IQSEC3: variants seen among roughly 807,000 people sequenced by gnomAD.
The protein encoded by IQSEC3 is IQ motif and SEC7 domain-containing protein 3.
In IQSEC3, 50 loss-of-function variants were observed where a neutral mutation model predicts 105.4. The observed-to-expected ratio is 0.47, with a 90% confidence interval of 0.38 to 0.60. The LOEUF is 0.60. Among genes scored for constraint, IQSEC3 ranks in the 20% least tolerant of loss-of-function variants. The probability of loss-of-function intolerance (pLI) is 0.00; values close to 1 mark genes in which losing one functional copy is unlikely to be tolerated. For synonymous variants in IQSEC3, 708 were observed against 746.0 expected (o/e 0.95, Z 0.83); for missense variants, 1,415 against 1,630.0 (o/e 0.87, Z 2.27).
At chr12:76,753 G>T (rs1297490766) in intron 1 of IQSEC3, among the ~76,000 whole-genome samples, 1 of 152,274 alleles carries the variant, frequency 6.6e-6, no homozygotes, top group African/African-American at 2.4e-5. Context: ...GAACTCTACG[G>T]AGGTATAGTG....
At chr12:146,216 C>A (rs1483252553) in intron 5 of IQSEC3, among the ~76,000 whole-genome samples, 1 of 152,218 alleles carries the variant, frequency 6.6e-6, no homozygotes, top group Non-Finnish European at 1.5e-5. Context: ...GAATGTCCTG[C>A]CCACATTGCT....
chr12:93,906 T>C (rs1864169644), intron 1 of IQSEC3, among the ~76,000 whole-genome samples: 2 of 152,164 alleles, frequency 1.3e-5, no homozygotes, highest in Admixed American at 1.3e-4. Flanking sequence ...CTGTCATCTC[T>C]GCACACACTG....
rs147252456 is a variant in IQSEC3, at chr12:163,240, C to T, written c.2584-254C>T. ...TCCACAGAACCGGACCCCTCCCCTC[C>T]CCTCCCTCCACAGAACCGGACCCCT... On this transcript the variant is annotated intron_variant, in intron 8 of 13. Coordinates refer to ENST00000538872, the MANE Select transcript of IQSEC3 (RefSeq NM_001170738.2). Among the ~76,000 whole-genome samples the T allele has an allele frequency of 3.4e-4, 15 of 44,384 alleles. No individual in the cohort carries two copies. The East Asian group carries it at 6.9e-3, about 20-fold the overall frequency. The allele number at this position is 44,384 out of a possible 152,430, so 29.1% of individuals were successfully genotyped here.
At chr12:79,309 T>C (rs1863666319) in intron 1 of IQSEC3, among the ~76,000 whole-genome samples, 1 of 152,166 alleles carries the variant, frequency 6.6e-6, no homozygotes, top group Non-Finnish European at 1.5e-5. Flanking sequence ...CTATCACACA[T>C]GAGGTCAGCT....
chr12:134,537 T>C (rs189153198), intron 3 of IQSEC3, among the ~76,000 whole-genome samples: 8 of 152,384 alleles, frequency 5.2e-5, no homozygotes, highest in African/African-American at 1.9e-4. Context: ...CATCTCGTGC[T>C]GCAAAAGGAT....
intron 1 of IQSEC3, among the ~76,000 whole-genome samples, chr12:87,903 C>T (rs1328192645): frequency 2.0e-5 from 3 of 152,192 alleles, no homozygotes; most frequent in African/African-American, 7.2e-5. Context: ...CATCCTTATA[C>T]AGTCCTTTAA....
At chr12:109,082 C>T (rs1864782212) in intron 2 of IQSEC3, among the ~76,000 whole-genome samples, 1 of 152,272 alleles carries the variant, frequency 6.6e-6, no homozygotes, top group Admixed American at 6.5e-5. Context: ...TTCTCCCCAG[C>T]ACGCGCTCTC....
intron 3 of IQSEC3, among the ~76,000 whole-genome samples, chr12:134,799 A>G (rs1345003072): frequency 7.4e-6 from 1 of 135,602 alleles, no homozygotes; most frequent in African/African-American, 2.9e-5. Flanking sequence ...TTGGGAGGCC[A>G]AGGTGGGGTA....
intron 3 of IQSEC3, among the ~76,000 whole-genome samples, chr12:128,618 C>T (rs1402128293): frequency 1.3e-5 from 2 of 152,130 alleles, no homozygotes. Flanking sequence ...GTTCTCCTTC[C>T]TTCGCCTCTG....
intron 3 of IQSEC3, among the ~76,000 whole-genome samples, chr12:130,286 G>T (rs1865544761): frequency 6.6e-6 from 1 of 152,228 alleles, no homozygotes; most frequent in African/African-American, 2.4e-5. Context: ...GCTAACGGTT[G>T]CCATGTGTTA....
rs150937450 is a variant in IQSEC3 at position 73,709 on chromosome 12, G to A, written c.554+6273G>A. Among the ~76,000 whole-genome samples, 436 of 151,942 alleles carry A rather than the reference G, an allele frequency of 2.9e-3. 1 individual carries two copies. The East Asian group carries it at 0.033, about 12-fold the overall frequency. Reference sequence around the variant, plus strand: ...AAAAGAAAAAGAAAAAGAAACCAGGGCCCAAGAAAGATAAAAGGTTCACCT... The same window carrying A: ...AAAAGAAAAAGAAAAAGAAACCAGGACCCAAGAAAGATAAAAGGTTCACCT... On this transcript the variant is annotated intron_variant, in intron 1 of 13. Coordinates refer to ENST00000538872, the MANE Select transcript of IQSEC3 (RefSeq NM_001170738.2).
Position 81,128 on chromosome 12 carries a change from C to T in IQSEC3, c.554+13692C>T, listed in dbSNP as rs111845248. Among the ~76,000 whole-genome samples the T allele has an allele frequency of 8.7e-3, 1,320 of 152,232 alleles. 12 individuals carry two copies. Among genetic ancestry groups the T allele is most frequent in the African/African-American group, 0.022 (922 of 41,522 alleles). On this transcript the variant is annotated intron_variant, in intron 1 of 13. Transcript: ENST00000538872. ...TTAGTTGTCACAAATGCTGATGGGGCTTGGATGAGGAAGGTTGTTGTTCTG... is the reference window on the plus strand; with the variant it reads ...TTAGTTGTCACAAATGCTGATGGGGTTTGGATGAGGAAGGTTGTTGTTCTG...
intron 5 of IQSEC3, chr12:143,388 C>T (rs1218315565): frequency 1.3e-5 from 2 of 152,924 alleles, no homozygotes; most frequent in African/African-American, 2.4e-5. Context: ...CAGGACACCT[C>T]TCTGGGCCTC....
chr12:169,640 G>A lies in IQSEC3; in HGVS notation c.3064+535G>A, dbSNP rs115427350. Among the ~76,000 whole-genome samples, 812 of 152,268 alleles carry A rather than the reference G, an allele frequency of 5.3e-3. 5 individuals are homozygous for A. Among genetic ancestry groups the A allele is most frequent in the African/African-American group, 0.018 (749 of 41,546 alleles). On this transcript the variant is annotated intron_variant, in intron 12 of 13. Transcript: ENST00000538872. ...ACCCTCAAACTCCACTTCTCTAGTG[G>A]TTTCTCCAGTGGAATTGCTCACTCC...
intron 12 of IQSEC3, among the ~76,000 whole-genome samples, 153 bp downstream of exon 12, chr12:169,258 T>G (rs1236360944): frequency 6.6e-6 from 1 of 152,176 alleles, no homozygotes; most frequent in African/African-American, 2.4e-5. Context: ...TTTAATCTCA[T>G]GAGCTTTAGT....
intron 5 of IQSEC3, among the ~76,000 whole-genome samples, chr12:156,400 A>G (rs1866686816): frequency 6.6e-6 from 1 of 151,732 alleles, no homozygotes. Context: ...CGTTAGGCAC[A>G]TTTGTCATTT....
chr12:146,870 T>A (rs1866297899), intron 5 of IQSEC3, among the ~76,000 whole-genome samples: 1 of 152,048 alleles, frequency 6.6e-6, no homozygotes, highest in Non-Finnish European at 1.5e-5. Flanking sequence ...AAAAGTGGTG[T>A]CTTTGGGGTT....
At position 110,271 on chromosome 12, in the gene IQSEC3, G is replaced by A. The variant is rs569687265; in HGVS notation, c.623+11057G>A. 2.2e-4 allele frequency among the ~76,000 whole-genome samples: 34 copies of A among 151,836 alleles called. No homozygotes were observed. The South Asian group carries it at 6.3e-3, about 28-fold the overall frequency. ...TTTTCATTCCACCTATCAATCTTTTGCAGTTTCTTAGTAATATCAGGCCAG... is the reference window on the plus strand; with the variant it reads ...TTTTCATTCCACCTATCAATCTTTTACAGTTTCTTAGTAATATCAGGCCAG... On this transcript the variant is annotated intron_variant, in intron 2 of 13. Coordinates refer to ENST00000538872, the MANE Select transcript of IQSEC3 (RefSeq NM_001170738.2).
rs1313504926 is a variant in IQSEC3 at position 175,590 on chromosome 12, C to G, written c.*557C>G. On this transcript the variant is annotated 3_prime_UTR_variant, in exon 14 of 14. Transcript: ENST00000538872. ...CACCCCCGCCCCCAAGCCTGAAACTCTCAGGAGTCTACTTCTTGGTCCCCA... is the reference window on the plus strand; with the variant it reads ...CACCCCCGCCCCCAAGCCTGAAACTGTCAGGAGTCTACTTCTTGGTCCCCA... 1 of 152,744 alleles carries G rather than the reference C, an allele frequency of 6.5e-6. No homozygotes were observed. The highest frequency in any genetic ancestry group is 1.5e-5 in the Non-Finnish European group (1 of 68,530). The allele number at this position is 152,744 out of a possible 1,614,324, so 9.5% of individuals were successfully genotyped here.
Sources: allele counts gnomAD v4.1 joint callset (sites outside exome capture counted in the v4.1 genomes callset), GRCh38; gene constraint gnomAD v4.1.1; transcripts MANE v1.5; gene names NCBI Gene and HGNC (gene_info 2026-07-23, HGNC 2026-07-21).